Variants in FBN2 observed in about 807,000 individuals in gnomAD.
The protein encoded by FBN2 is fibrillin-2.
In FBN2, 105 loss-of-function variants were observed where a neutral mutation model predicts 355.6. The observed-to-expected ratio is 0.30, with a 90% CI of 0.25 to 0.35. FBN2 has a LOEUF of 0.35. Ranked by LOEUF, FBN2 falls within the 10% of genes least tolerant of loss-of-function variation. FBN2 has a pLI of 1.00. For synonymous variants in FBN2, 1,350 were observed against 1,301.2 expected, an observed-to-expected ratio of 1.04 and a Z score of -0.81; for missense variants, 3,280 against 3,758.7, an observed-to-expected ratio of 0.87 and a Z score of 3.33.
At chr5:128,445,496 T>G (rs1192999760) in intron 7 of FBN2, among the ~76,000 whole-genome samples, 3 of 152,206 alleles carry the variant, frequency 2.0e-5, no homozygotes. Flanking sequence ...AACTTTAGAT[T>G]TTGCCTCTTC....
chr5:128,417,113 C>A (rs371422050), intron 7 of FBN2, among the ~76,000 whole-genome samples: 1 of 151,988 alleles, frequency 6.6e-6, no homozygotes, highest in African/African-American at 2.4e-5. Flanking sequence ...GTTTTTGCAG[C>A]GATGGTAAAT....
At chr5:128,362,001 T>C (rs1751651645) in intron 18 of FBN2, among the ~76,000 whole-genome samples, 153 bp from the exon 19 acceptor site, 1 of 152,306 alleles carries the variant, frequency 6.6e-6, no homozygotes, top group Middle Eastern at 3.4e-3. Flanking sequence ...CTAAGCAAAA[T>C]ATATTTAGTT....
intron 7 of FBN2, among the ~76,000 whole-genome samples, chr5:128,425,063 G>A (rs1753451615): frequency 6.7e-6 from 1 of 149,242 alleles, no homozygotes; most frequent in African/African-American, 2.5e-5. Context: ...TCGGGGGGAG[G>A]TAATTTACTC....
At chr5:128,521,825 A>G (rs1165035948) in intron 4 of FBN2, among the ~76,000 whole-genome samples, 2 of 152,174 alleles carry the variant, frequency 1.3e-5, no homozygotes, top group African/African-American at 2.4e-5. Flanking sequence ...AGGTAGAACA[A>G]GGCTGGATGA....
intron 23 of FBN2, 31 bp downstream of exon 23, chr5:128,349,316 T>C (rs778317313): frequency 2.2e-5 from 36 of 1,613,650 alleles, no homozygotes; most frequent in Middle Eastern, 1.7e-4. Context: ...GCTTGTTTTA[T>C]ACATAGAATA....
chr5:128,358,418 T>TTTCTTTTTCCCTTGGGAAAAA (rs1751558276), intron 19 of FBN2, among the ~76,000 whole-genome samples: 1 of 152,108 alleles, frequency 6.6e-6, no homozygotes, highest in African/African-American at 2.4e-5. Flanking sequence ...TCTCTAAATA[T>TTTCTTTTTCCCTTGGGAAAAA]TTCTTTGAAT....
intron 5 of FBN2, among the ~76,000 whole-genome samples, chr5:128,469,797 T>C (rs1298658998): frequency 6.6e-6 from 1 of 152,192 alleles, no homozygotes; most frequent in African/African-American, 2.4e-5. Flanking sequence ...GGATTTTAGT[T>C]CACTTATGAG....
At chr5:128,357,204 C>T (rs892530268) in intron 20 of FBN2, 72 bp downstream of exon 20, 53 of 1,581,840 alleles carry the variant, frequency 3.4e-5, no homozygotes, top group East Asian at 9.0e-5. Flanking sequence ...TGTTTTTATC[C>T]GTAGTAAGGC....
intron 2 of FBN2, among the ~76,000 whole-genome samples, chr5:128,530,964 G>A (rs940098944): frequency 6.6e-6 from 1 of 152,084 alleles, no homozygotes; most frequent in Non-Finnish European, 1.5e-5. Context: ...CATAGTGGCT[G>A]TAAAAGTAGA....
intron 8 of FBN2, among the ~76,000 whole-genome samples, chr5:128,403,833 T>C (rs1752861291): frequency 6.6e-6 from 1 of 152,092 alleles, no homozygotes; most frequent in Non-Finnish European, 1.5e-5. Flanking sequence ...ATATTTAGTA[T>C]ACAATGAAAG....
At chr5:128,371,438 T>C (rs765659413) in intron 15 of FBN2, among the ~76,000 whole-genome samples, 4 of 152,068 alleles carry the variant, frequency 2.6e-5, no homozygotes, top group Admixed American at 6.6e-5. Flanking sequence ...TCTTTTTCTT[T>C]CTTTTCTTTC....
intron 7 of FBN2, among the ~76,000 whole-genome samples, chr5:128,420,801 G>C (rs150078099): frequency 6.6e-6 from 1 of 152,282 alleles, no homozygotes; most frequent in East Asian, 1.9e-4. Flanking sequence ...AACTCATTAA[G>C]TAATTGCTAA....
chr5:128,473,861 ATTACT>A (rs1754940439), intron 5 of FBN2, among the ~76,000 whole-genome samples: 1 of 152,248 alleles, frequency 6.6e-6, no homozygotes, highest in Admixed American at 6.5e-5. Context: ...TAAATGAGTA[ATTACT>A]TTAATTACCA....
chr5:128,430,258 T>C (rs1581286764), intron 7 of FBN2, among the ~76,000 whole-genome samples: 1 of 152,210 alleles, frequency 6.6e-6, no homozygotes, highest in African/African-American at 2.4e-5. Flanking sequence ...TTTTAAACTT[T>C]TATGTAGTTG....
At chr5:128,449,773 A>G (rs1326795456) in intron 6 of FBN2, among the ~76,000 whole-genome samples, 1 of 152,032 alleles carries the variant, frequency 6.6e-6, no homozygotes, top group Non-Finnish European at 1.5e-5. Context: ...ATTTTTAAAA[A>G]GCAAGACTCA....
At chr5:128,276,383 C>A (rs1290663812) in intron 58 of FBN2, among the ~76,000 whole-genome samples, 1 of 152,168 alleles carries the variant, frequency 6.6e-6, no homozygotes, top group South Asian at 2.1e-4. Flanking sequence ...GATGTCTAGA[C>A]AACTGTCTGG....
intron 42 of FBN2, 42 bp downstream of exon 42, chr5:128,307,093 T>G: frequency 1.7e-6 from 2 of 1,194,430 alleles, no homozygotes; most frequent in Non-Finnish European, 2.5e-6. Flanking sequence ...TACAGAATGC[T>G]ACACATATGT....
chr5:128,386,708 G>A (rs760571856), intron 11 of FBN2, among the ~76,000 whole-genome samples: 2 of 151,900 alleles, frequency 1.3e-5, no homozygotes, highest in African/African-American at 2.4e-5. Flanking sequence ...GTCTCTGAAA[G>A]AAATCAGAGA....
intron 36 of FBN2, among the ~76,000 whole-genome samples, chr5:128,317,438 T>A (rs1750236632): frequency 6.6e-6 from 1 of 152,174 alleles, no homozygotes; most frequent in Non-Finnish European, 1.5e-5. Flanking sequence ...AAGTTGTGTA[T>A]AAATCACAGC....
Sources: gnomAD v4.1 joint callset for allele counts (sites outside exome capture counted in the v4.1 genomes callset) on GRCh38, gnomAD v4.1.1 for gene constraint, MANE v1.5 for transcripts, NCBI Gene and HGNC (gene_info 2026-07-23, HGNC 2026-07-21) for gene names.